The following CPA6 variants were observed in gnomAD, a reference collection of about 807,000 sequenced individuals.
The protein encoded by CPA6 is carboxypeptidase A6.
Under a neutral mutation model 63.3 loss-of-function variants are expected in CPA6, and 58 were observed. That is an observed-to-expected ratio of 0.92 (90% CI 0.74 to 1.14). The LOEUF (loss-of-function observed/expected upper bound fraction) is 1.14. Ranked by LOEUF, CPA6 falls within the 50% of genes most tolerant of loss-of-function variation. CPA6 has a pLI of 0.00. For missense variants in CPA6, 565 were observed against 526.6 expected (o/e 1.07, Z -0.71); for synonymous variants, 185 against 179.0 (o/e 1.03, Z -0.27).
At position 67,685,029 on chromosome 8, in the gene CPA6, C is replaced by A. The variant is rs1359405302; in HGVS notation, c.117-60778G>T. ...CAGAGTTGAGCCCAATCTCTCTCCCCATTGCAAGGCTTCATTGCAGTAGTC... is the reference window on the plus strand; with the variant it reads ...CAGAGTTGAGCCCAATCTCTCTCCCAATTGCAAGGCTTCATTGCAGTAGTC... On this transcript the variant is annotated intron_variant, in intron 1 of 10. Transcript: ENST00000297770. Among the ~76,000 whole-genome samples the A allele has an allele frequency of 3.9e-5, 6 of 152,264 alleles. No homozygotes were observed. The East Asian group carries it at 1.2e-3, about 30-fold the overall frequency.
Position 67,428,077 on chromosome 8 carries a change from A to G in CPA6, c.1096T>C (p.Tyr366His), listed in dbSNP as rs1809934047. ...GTTGTGGAGGCTGGTCCATATCTGT[A>G]TCGTACCCCGTATACTGACTGAAGT... ...NALQSVYGVRYRYGPASTTLY... is the reference protein window; with the variant it reads ...NALQSVYGVRHRYGPASTTLY... Residue 366 changes from tyrosine (Y) to histidine (H), a missense_variant, in exon 10 of 11, where the codon TAC becomes CAC. Physicochemically the swap from Tyr to His is moderately conservative, Grantham distance 83 (BLOSUM62 2). Coordinates refer to ENST00000297770, the MANE Select transcript of CPA6 (RefSeq NM_020361.5). The G allele has an allele frequency of 6.2e-7, 1 of 1,613,400 alleles. No homozygotes were observed. Among genetic ancestry groups the G allele is most frequent in the Non-Finnish European group, 8.5e-7 (1 of 1,179,432 alleles).
intron 10 of CPA6, 127 bp downstream of exon 10, chr8:67,427,920 C>T (rs967945362): frequency 3.3e-6 from 2 of 612,934 alleles, no homozygotes; most frequent in Non-Finnish European, 5.8e-6. Context: ...CTATTTTCCT[C>T]AGCTAATTTG....
intron 2 of CPA6, among the ~76,000 whole-genome samples, chr8:67,532,876 A>T (rs542719576): frequency 6.6e-6 from 1 of 152,328 alleles, no homozygotes; most frequent in African/African-American, 2.4e-5. Context: ...GTGAAGAAAG[A>T]TGGGCATTGA....
chr8:67,558,005 C>T (rs1813107630), intron 2 of CPA6, among the ~76,000 whole-genome samples: 2 of 152,170 alleles, frequency 1.3e-5, no homozygotes, highest in Admixed American at 6.5e-5. Flanking sequence ...CATTTTTCTC[C>T]TGTTCTCTAA....
chr8:67,721,536 G>GT (rs1275792634), intron 1 of CPA6, among the ~76,000 whole-genome samples: 1 of 152,178 alleles, frequency 6.6e-6, no homozygotes, highest in Non-Finnish European at 1.5e-5. Context: ...TTGAAACAAA[G>GT]TATATGCATT....
At chr8:67,453,801 C>G (rs1587443036) in intron 8 of CPA6, among the ~76,000 whole-genome samples, 2 of 152,048 alleles carry the variant, frequency 1.3e-5, no homozygotes, top group Admixed American at 6.5e-5. Context: ...GTGTATATAC[C>G]CATTTCTCTA....
intron 1 of CPA6, among the ~76,000 whole-genome samples, chr8:67,674,659 T>G (rs1046066104): frequency 2.0e-5 from 3 of 152,164 alleles, no homozygotes; most frequent in Non-Finnish European, 4.4e-5. Flanking sequence ...GACCCAGAAA[T>G]TTCATTACTG....
intron 2 of CPA6, among the ~76,000 whole-genome samples, chr8:67,564,002 C>T (rs1587567997): frequency 6.6e-6 from 1 of 152,138 alleles, no homozygotes; most frequent in African/African-American, 2.4e-5. Context: ...GTGCTATATA[C>T]TGGTCCTAAT....
rs202153264 is a variant in CPA6, at chr8:67,736,377, C to T, written c.116+9637G>A. The stretch of plus-strand genomic sequence containing the variant: ...CTTTCACTGCTAATTTTCTGACATC[C>T]CAATTCCCTTCTCAACCTACCTGCT... On this transcript the variant is annotated intron_variant, in intron 1 of 10. Coordinates refer to ENST00000297770, the MANE Select transcript of CPA6 (RefSeq NM_020361.5). Among the ~76,000 whole-genome samples the T allele has an allele frequency of 8.5e-5, 13 of 152,290 alleles. No individual in the cohort carries two copies. In the East Asian group the frequency reaches 1.4e-3, roughly 16 times the overall value.
Position 67,716,177 on chromosome 8 carries a change from A to T in CPA6, c.116+29837T>A, listed in dbSNP as rs868563819. Among the ~76,000 whole-genome samples, 7 of 147,044 alleles carry T rather than the reference A, an allele frequency of 4.8e-5. No individual in the cohort carries two copies. The South Asian group carries it at 1.1e-3, about 23-fold the overall frequency. On this transcript the variant is annotated intron_variant, in intron 1 of 10. Coordinates refer to ENST00000297770, the MANE Select transcript of CPA6 (RefSeq NM_020361.5). ...AAAAAAAAAAAAAAAAAAAAAAAAA[A>T]GGAGAGAGAGAAGTGTCAGAGGCGT...
chr8:67,667,640 G>T (rs912337355), intron 1 of CPA6, among the ~76,000 whole-genome samples: 1 of 152,206 alleles, frequency 6.6e-6, no homozygotes, highest in Non-Finnish European at 1.5e-5. Context: ...GGACCTCAGA[G>T]TTAGGAGTGA....
At chr8:67,572,254 T>A (rs1456638567) in intron 2 of CPA6, among the ~76,000 whole-genome samples, 1 of 152,204 alleles carries the variant, frequency 6.6e-6, no homozygotes, top group Non-Finnish European at 1.5e-5. Context: ...TGCAATTTGA[T>A]CCCTAATGTG....
intron 8 of CPA6, among the ~76,000 whole-genome samples, chr8:67,468,629 T>TAAAATAAAATAAA (rs1563964463): frequency 6.6e-5 from 8 of 120,486 alleles, no homozygotes; most frequent in African/African-American, 2.8e-4. Flanking sequence ...AATAAAATAA[T>TAAAATAAAATAAA]AATAATAAGA....
intron 3 of CPA6, among the ~76,000 whole-genome samples, chr8:67,514,807 T>C (rs956015983): frequency 6.6e-6 from 1 of 152,228 alleles, no homozygotes; most frequent in Non-Finnish European, 1.5e-5. Flanking sequence ...TGCCAAGCTG[T>C]TTCCTGTCAG....
rs185430304 is a variant in CPA6 at position 67,512,431 on chromosome 8, C to T, written c.318-776G>A. Among the ~76,000 whole-genome samples the T allele has an allele frequency of 1.8e-4, 28 of 152,332 alleles. No homozygotes were observed. In the East Asian group the frequency reaches 5.0e-3, roughly 27 times the overall value. On this transcript the variant is annotated intron_variant, in intron 3 of 10. Transcript: ENST00000297770. ...AAAAAGCGATTTCACTGCCTGCCAG[C>T]ATCAAGAATGCCAAGAGAAGAGAAG...
At chr8:67,661,286 C>T (rs62513804) in intron 1 of CPA6, among the ~76,000 whole-genome samples, 5,366 of 152,100 alleles carry the variant, frequency 0.035, 114 homozygotes, top group Non-Finnish European at 0.043. Flanking sequence ...GACGTGGGAA[C>T]GCAGCTGGTG....
At chr8:67,682,893 TTGCTGCAGG>T (rs1218557528) in intron 1 of CPA6, among the ~76,000 whole-genome samples, 2 of 152,254 alleles carry the variant, frequency 1.3e-5, no homozygotes, top group African/African-American at 4.8e-5. Context: ...TTGGTGATTC[TTGCTGCAGG>T]TTTGGGTTCT....
At chr8:67,568,971 A>C (rs1044423366) in intron 2 of CPA6, among the ~76,000 whole-genome samples, 3 of 152,100 alleles carry the variant, frequency 2.0e-5, no homozygotes, top group African/African-American at 7.2e-5. Flanking sequence ...GGCTGGTCTC[A>C]AGCTCCTGAC....
At chr8:67,702,270 T>C (rs899798091) in intron 1 of CPA6, among the ~76,000 whole-genome samples, 10 of 152,192 alleles carry the variant, frequency 6.6e-5, no homozygotes, top group African/African-American at 2.4e-4. Flanking sequence ...ATAGAATGAA[T>C]ATTCCTCATT....
Sources: gnomAD v4.1 joint callset for allele counts (sites outside exome capture counted in the v4.1 genomes callset) on GRCh38, gnomAD v4.1.1 for gene constraint, MANE v1.5 for transcripts, NCBI Gene and HGNC (gene_info 2026-07-23, HGNC 2026-07-21) for gene names.